Variants in ZNF267 observed in about 807,000 individuals in gnomAD.
ZNF267 encodes the protein zinc finger (C2H2).
Under a neutral mutation model 71.6 loss-of-function variants are expected in ZNF267, and 61 were observed. The observed-to-expected ratio is 0.85, with a 90% CI of 0.69 to 1.05. The LOEUF is 1.05. Ranked by LOEUF, ZNF267 falls within the 50% of genes least tolerant of loss-of-function variation. ZNF267 has a pLI of 0.00. For synonymous variants in ZNF267, 288 were observed against 293.2 expected, an observed-to-expected ratio of 0.98 and a Z score of 0.18; for missense variants, 852 against 870.0, an observed-to-expected ratio of 0.98 and a Z score of 0.26.
chr16:31,905,436 A>G (rs1486228869), intron 3 of ZNF267, among the ~76,000 whole-genome samples: 1 of 152,148 alleles, frequency 6.6e-6, no homozygotes, highest in Non-Finnish European at 1.5e-5. Flanking sequence ...TGAGACGTAG[A>G]TTTGGTCTTT....
chr16:31,895,843 T>G (rs2142345119), intron 3 of ZNF267, among the ~76,000 whole-genome samples: 1 of 152,382 alleles, frequency 6.6e-6, no homozygotes, highest in East Asian at 1.9e-4. Context: ...TCTTGAAATC[T>G]TAAAGCTTCT....
Position 31,894,938 on chromosome 16 carries a change from A to G in ZNF267, c.226+9682A>G, listed in dbSNP as rs79770842. ...TTAGTGCCAGCATTTCTGGAATCTC[A>G]GTGTGTTAAGAAGACAGCCTCTTTC... On this transcript the variant is annotated intron_variant, in intron 3 of 3. Coordinates refer to ENST00000300870, the MANE Select transcript of ZNF267 (RefSeq NM_003414.6). 1,886 of 360,808 alleles carry G rather than the reference A, an allele frequency of 5.2e-3. 13 individuals are homozygous for G. Among genetic ancestry groups the G allele is most frequent in the Middle Eastern group, 7.9e-3 (15 of 1,894 alleles). The allele number at this position is 360,808 out of a possible 1,614,324, so 22.4% of individuals were successfully genotyped here.
chr16:31,895,876 C>T (rs184433589), intron 3 of ZNF267, among the ~76,000 whole-genome samples: 1 of 152,192 alleles, frequency 6.6e-6, no homozygotes, highest in Non-Finnish European at 1.5e-5. Flanking sequence ...ATATTAACAC[C>T]TTTTCATATG....
intron 1 of ZNF267, among the ~76,000 whole-genome samples, chr16:31,874,422 C>T (rs2083837591): frequency 6.6e-6 from 1 of 152,192 alleles, no homozygotes; most frequent in Non-Finnish European, 1.5e-5. Context: ...ACATGGGAAG[C>T]CTGCAGTCCT....
chr16:31,886,308 AG>A (rs2083923850), intron 3 of ZNF267, among the ~76,000 whole-genome samples: 1 of 152,162 alleles, frequency 6.6e-6, no homozygotes, highest in South Asian at 2.1e-4. Flanking sequence ...ACTGTAGTGC[AG>A]GGGTCTATAG....
chr16:31,875,380 A>G (rs1567470113), intron 1 of ZNF267: 1 of 1,192,772 alleles, frequency 8.4e-7, no homozygotes, highest in Non-Finnish European at 1.1e-6. Flanking sequence ...CCCTTAACCT[A>G]AAAAGATAAC....
chr16:31,877,267 T>G (rs977360430), intron 1 of ZNF267, among the ~76,000 whole-genome samples: 2 of 152,200 alleles, frequency 1.3e-5, no homozygotes, highest in Non-Finnish European at 2.9e-5. Flanking sequence ...CCACATTTTA[T>G]TTGATTTTGT....
chr16:31,904,250 G>A (rs1352242574), intron 3 of ZNF267, among the ~76,000 whole-genome samples: 2 of 152,154 alleles, frequency 1.3e-5, no homozygotes, highest in South Asian at 2.1e-4. Context: ...GTGCTGAAAA[G>A]AATGTATATT....
intron 3 of ZNF267, among the ~76,000 whole-genome samples, chr16:31,900,206 G>C (rs993940821): frequency 6.6e-5 from 10 of 151,684 alleles, no homozygotes; most frequent in African/African-American, 2.2e-4. Flanking sequence ...GAAAGTGTTT[G>C]TCTTTTCAAA....
intron 3 of ZNF267, among the ~76,000 whole-genome samples, chr16:31,898,946 T>C (rs976299746): frequency 6.6e-6 from 1 of 152,130 alleles, no homozygotes; most frequent in African/African-American, 2.4e-5. Flanking sequence ...ACAAGGCCAT[T>C]ACATAATGGT....
intron 3 of ZNF267, among the ~76,000 whole-genome samples, chr16:31,907,422 T>C (rs2084100311): frequency 1.3e-5 from 2 of 152,196 alleles, no homozygotes. Context: ...TGTTATCAAG[T>C]GTGCTGGGGA....
At chr16:31,886,993 G>A (rs2083928577) in intron 3 of ZNF267, among the ~76,000 whole-genome samples, 1 of 151,978 alleles carries the variant, frequency 6.6e-6, no homozygotes, top group South Asian at 2.1e-4. Context: ...GTGTACAAGG[G>A]TTTTCTTTTC....
intron 1 of ZNF267, among the ~76,000 whole-genome samples, chr16:31,883,866 T>TCACCAGTAGTGTTA (rs1596615648): frequency 6.6e-6 from 1 of 152,142 alleles, no homozygotes; most frequent in East Asian, 1.9e-4. Flanking sequence ...ACACTACTGG[T>TCACCAGTAGTGTTA]GAACTTGTTA....
chr16:31,914,056 C>T (rs1282394001), intron 3 of ZNF267: 2 of 160,720 alleles, frequency 1.2e-5, no homozygotes, highest in Admixed American at 1.3e-4. Context: ...GTCCAATGTT[C>T]ATGATGTGTT....
In ZNF267 at chr16:31,873,926, G is replaced by C. The variant is rs751573895; in HGVS notation, c.-41G>C. On this transcript the variant is annotated 5_prime_UTR_variant, in exon 1 of 4. Transcript: ENST00000300870. ...GCTCTGCGACTTGCAGGCACTGGGA[G>C]ATTCGTAGCTAAGACGCCAGGGCAT... 2 of 1,613,738 alleles carry C rather than the reference G, an allele frequency of 1.2e-6. No homozygotes were observed. Among genetic ancestry groups the C allele is most frequent in the Non-Finnish European group, 1.7e-6 (2 of 1,179,718 alleles).
At chr16:31,908,886 G>A (rs2084112332) in intron 3 of ZNF267, among the ~76,000 whole-genome samples, 1 of 152,000 alleles carries the variant, frequency 6.6e-6, no homozygotes, top group Non-Finnish European at 1.5e-5. Flanking sequence ...GCTTAGGATA[G>A]CTTTGCTATT....
chr16:31,875,263 T>TGTCA, intron 1 of ZNF267: 1 of 1,289,244 alleles, frequency 7.8e-7, no homozygotes, highest in Non-Finnish European at 1.0e-6. Context: ...GTTTAGTGAC[T>TGTCA]GTCAGCCCCA....
chr16:31,898,192 T>G (rs1030612967), intron 3 of ZNF267, among the ~76,000 whole-genome samples: 1 of 152,172 alleles, frequency 6.6e-6, no homozygotes, highest in African/African-American at 2.4e-5. Flanking sequence ...AGCTTTCTGG[T>G]CAGTGGACAC....
Position 31,914,922 on chromosome 16 carries a change from TTGAAC to T in ZNF267, c.674_678del (p.Leu225SerfsTer6). 1 of 1,611,662 alleles carries T rather than the reference TTGAAC, an allele frequency of 6.2e-7. No individual in the cohort carries two copies. The highest frequency in any genetic ancestry group is 8.5e-7 in the Non-Finnish European group (1 of 1,179,380). On this transcript the variant is annotated frameshift_variant, in exon 4 of 4. Coordinates refer to ENST00000300870, the MANE Select transcript of ZNF267 (RefSeq NM_003414.6). LOFTEE classifies it high-confidence loss of function. ...TCATTGCAATAATTCTGAAAAAACCTTGAACCAAAGCTCAAGCCCTAAAAATCATC... is the reference window on the plus strand; with the variant it reads ...TCATTGCAATAATTCTGAAAAAACCTCAAAGCTCAAGCCCTAAAAATCATC...
Sources: allele counts gnomAD v4.1 joint callset (sites outside exome capture counted in the v4.1 genomes callset), GRCh38; gene constraint gnomAD v4.1.1; transcripts MANE v1.5; gene names NCBI Gene and HGNC (gene_info 2026-07-23, HGNC 2026-07-21).